The following SHISA9 variants were observed in gnomAD, a reference collection of about 807,000 sequenced individuals.
SHISA9 encodes the protein protein shisa-9.
Under a neutral mutation model 38.0 loss-of-function variants are expected in SHISA9, and 13 were observed. The observed-to-expected ratio is 0.34, with a 90% CI of 0.22 to 0.54. SHISA9 has a LOEUF of 0.54. Ranked by LOEUF, SHISA9 falls within the 20% of genes least tolerant of loss-of-function variation. The pLI, the probability that SHISA9 is intolerant of heterozygous loss-of-function variation, is 0.91. For missense variants in SHISA9, 538 were observed against 575.8 expected (o/e 0.93, Z 0.67); for synonymous variants, 275 against 242.0 (o/e 1.14, Z -1.27).
chr16:13,400,955 C>G, the SHISA9 span, among the ~76,000 whole-genome samples: 1 of 152,188 alleles, frequency 6.6e-6, no homozygotes, highest in Non-Finnish European at 1.5e-5. Context: ...CCAGACAAAT[C>G]TAAACAACCT....
At chr16:13,229,439 G>T (rs1357623910) in intron 4 of SHISA9, among the ~76,000 whole-genome samples, 5 of 152,124 alleles carry the variant, frequency 3.3e-5, no homozygotes, top group African/African-American at 1.2e-4. Flanking sequence ...CTTCCCTTTA[G>T]TTCTCTAACA....
chr16:12,963,069 C>G (rs528728204), intron 2 of SHISA9, among the ~76,000 whole-genome samples: 1 of 152,342 alleles, frequency 6.6e-6, no homozygotes, highest in African/African-American at 2.4e-5. Context: ...TCCACACAAT[C>G]ACACCCCTTT....
At chr16:12,950,929 T>TA (rs372235612) in intron 2 of SHISA9, among the ~76,000 whole-genome samples, 35,124 of 148,864 alleles carry the variant, frequency 0.24, 4,584 homozygotes, top group East Asian at 0.37. Flanking sequence ...TTTTTTTTTT[T>TA]AAATGTGGCT....
chr16:13,037,272 G>A (rs779725676), intron 2 of SHISA9, among the ~76,000 whole-genome samples: 4 of 152,108 alleles, frequency 2.6e-5, no homozygotes, highest in Non-Finnish European at 4.4e-5. Context: ...GGGTGTAAGT[G>A]CCAATGTGTG....
chr16:13,407,700 A>G, the SHISA9 span, among the ~76,000 whole-genome samples: 1 of 152,226 alleles, frequency 6.6e-6, no homozygotes, highest in East Asian at 1.9e-4. Flanking sequence ...CCATTTATCA[A>G]CAACTGCTTT....
chr16:13,408,483 T>A, the SHISA9 span, among the ~76,000 whole-genome samples: 1 of 152,182 alleles, frequency 6.6e-6, no homozygotes, highest in Non-Finnish European at 1.5e-5. Context: ...GTAGTATTAT[T>A]TCTATAGAGA....
the SHISA9 span, among the ~76,000 whole-genome samples, chr16:13,300,872 TCTCCTCTCCC>T: frequency 1.3e-5 from 1 of 75,934 alleles, no homozygotes; most frequent in African/African-American, 5.1e-5. Context: ...TCTCCTCTCC[TCTCCTCTCCC>T]CTTTCTTTGT....
chr16:13,513,270 C>T, the SHISA9 span, among the ~76,000 whole-genome samples: 1 of 152,212 alleles, frequency 6.6e-6, no homozygotes, highest in Admixed American at 6.5e-5. Context: ...CTCAACATCA[C>T]TGATCATTAG....
chr16:13,420,743 C>T, the SHISA9 span, among the ~76,000 whole-genome samples: 26 of 152,286 alleles, frequency 1.7e-4, no homozygotes, highest in East Asian at 3.5e-3. Flanking sequence ...GGGAGCCCAC[C>T]AACATCCCCA....
intron 2 of SHISA9, among the ~76,000 whole-genome samples, chr16:13,135,333 A>G (rs1321825231): frequency 6.6e-6 from 1 of 152,248 alleles, no homozygotes; most frequent in Admixed American, 6.5e-5. Flanking sequence ...TCTTCAAAAA[A>G]GAACTTTCTG....
intron 2 of SHISA9, among the ~76,000 whole-genome samples, chr16:12,969,208 A>G (rs914289631): frequency 2.6e-5 from 4 of 151,748 alleles, no homozygotes; most frequent in Non-Finnish European, 5.9e-5. Context: ...GATTCAGCCC[A>G]CAGTTTGTAG....
chr16:13,265,006 T>A, the SHISA9 span, among the ~76,000 whole-genome samples: 59 of 117,476 alleles, frequency 5.0e-4, no homozygotes, highest in African/African-American at 2.0e-3. Context: ...CCTTCCCTCC[T>A]CTCCTCTTCC....
the SHISA9 span, among the ~76,000 whole-genome samples, chr16:13,361,360 G>A: frequency 6.6e-6 from 1 of 152,208 alleles, no homozygotes; most frequent in Non-Finnish European, 1.5e-5. Flanking sequence ...AAACCTGGAT[G>A]CATCCTCCTC....
intron 4 of SHISA9, among the ~76,000 whole-genome samples, chr16:13,234,683 A>G (rs982579285): frequency 1.3e-5 from 2 of 152,246 alleles, no homozygotes; most frequent in African/African-American, 4.8e-5. Flanking sequence ...ATGAAAATGT[A>G]TCATTTTAAT....
chr16:12,999,363 A>G (rs993969534), intron 2 of SHISA9, among the ~76,000 whole-genome samples: 4 of 152,156 alleles, frequency 2.6e-5, no homozygotes, highest in Admixed American at 1.3e-4. Context: ...TTGGCTGACA[A>G]TGGGCGCGTT....
intron 2 of SHISA9, among the ~76,000 whole-genome samples, chr16:13,127,348 AGGG>A (rs2050270239): frequency 8.4e-6 from 1 of 118,604 alleles, no homozygotes; most frequent in Non-Finnish European, 1.7e-5. Context: ...AGAGTGAGGG[AGGG>A]AGAAGGAGGG....
the SHISA9 span, among the ~76,000 whole-genome samples, chr16:13,375,857 A>G: frequency 6.6e-6 from 1 of 152,164 alleles, no homozygotes; most frequent in Non-Finnish European, 1.5e-5. Flanking sequence ...ATAGATCTGA[A>G]GATTCAACCC....
downstream of SHISA9, among the ~76,000 whole-genome samples, chr16:13,243,153 TG>T (rs550418209): frequency 2.5e-4 from 38 of 151,562 alleles, 1 homozygote; most frequent in South Asian, 2.1e-3. Flanking sequence ...GCAGGGAGAA[TG>T]GTGTGAACCT....
chr16:12,907,370 C>G (rs954818811), intron 1 of SHISA9, among the ~76,000 whole-genome samples: 1 of 143,616 alleles, frequency 7.0e-6, no homozygotes, highest in Non-Finnish European at 1.5e-5. Context: ...ATCTTCTTCC[C>G]TTCCTCATTT....
Sources: gnomAD v4.1 joint callset for allele counts (sites outside exome capture counted in the v4.1 genomes callset) on GRCh38, gnomAD v4.1.1 for gene constraint, MANE v1.5 for transcripts, NCBI Gene and HGNC (gene_info 2026-07-23, HGNC 2026-07-21) for gene names.